The following MAD1L1 variants were observed in gnomAD, a reference collection of about 807,000 sequenced individuals.
The protein encoded by MAD1L1 is mitotic spindle assembly checkpoint protein MAD1.
Under a neutral mutation model 96.9 loss-of-function variants are expected in MAD1L1, and 95 were observed. That is an observed-to-expected ratio of 0.98 (90% confidence interval 0.83 to 1.16). MAD1L1 has a LOEUF of 1.16. MAD1L1 is among the 50% of genes most tolerant of loss of function. The probability of loss-of-function intolerance (pLI) is 0.00; values close to 1 mark genes in which losing one functional copy is unlikely to be tolerated. For synonymous variants in MAD1L1, 473 were observed against 396.6 expected (o/e 1.19, Z -2.29); for missense variants, 1,007 against 954.4 (o/e 1.06, Z -0.73).
chr7:1,816,790 G>T (rs1781830427), intron 18 of MAD1L1, among the ~76,000 whole-genome samples: 1 of 151,962 alleles, frequency 6.6e-6, no homozygotes, highest in Non-Finnish European at 1.5e-5. Flanking sequence ...CACAGGGCAG[G>T]AGTCACACAG....
intron 10 of MAD1L1, among the ~76,000 whole-genome samples, chr7:2,178,940 T>C (rs907154389): frequency 2.7e-5 from 4 of 147,028 alleles, no homozygotes; most frequent in Admixed American, 6.7e-5. Flanking sequence ...AAAGAAAAAA[T>C]TGATGAATTG....
At chr7:2,074,352 C>A (rs544493561) in intron 11 of MAD1L1, among the ~76,000 whole-genome samples, 1 of 152,080 alleles carries the variant, frequency 6.6e-6, no homozygotes, top group East Asian at 1.9e-4. Context: ...CAGGAAGCAG[C>A]TCCCAGCCCT....
chr7:1,920,841 T>G (rs1170802785), intron 17 of MAD1L1, among the ~76,000 whole-genome samples: 1 of 152,238 alleles, frequency 6.6e-6, no homozygotes, highest in African/African-American at 2.4e-5. Flanking sequence ...GAACACTGTG[T>G]ATCCATTTAA....
intron 10 of MAD1L1, among the ~76,000 whole-genome samples, chr7:2,150,174 C>T (rs1789501219): frequency 6.6e-6 from 1 of 152,174 alleles, no homozygotes; most frequent in Non-Finnish European, 1.5e-5. Flanking sequence ...CTACCTGCAC[C>T]CCTGGAAGGA....
At chr7:1,880,611 C>T (rs892418584) in intron 18 of MAD1L1, among the ~76,000 whole-genome samples, 14 of 152,234 alleles carry the variant, frequency 9.2e-5, no homozygotes, top group South Asian at 8.3e-4. Flanking sequence ...AACCTGCGTG[C>T]GTCCCATCTC....
At chr7:1,825,899 C>T (rs1338857076) in intron 18 of MAD1L1, among the ~76,000 whole-genome samples, 2 of 151,734 alleles carry the variant, frequency 1.3e-5, no homozygotes, top group African/African-American at 2.4e-5. Context: ...GTCCCAGCCC[C>T]AGGGTTGGCG....
intron 5 of MAD1L1, chr7:2,220,953 G>C: frequency 6.2e-7 from 1 of 1,612,414 alleles, no homozygotes; most frequent in Non-Finnish European, 8.5e-7. Flanking sequence ...TGTTGTAGGG[G>C]ACGCCGGACA....
intron 16 of MAD1L1, among the ~76,000 whole-genome samples, chr7:1,949,151 C>A (rs1779371511): frequency 6.6e-6 from 1 of 152,174 alleles, no homozygotes; most frequent in Admixed American, 6.5e-5. Context: ...GGGCACGGCC[C>A]CTAGAGCTGA....
intron 12 of MAD1L1, among the ~76,000 whole-genome samples, chr7:2,016,745 G>A (rs950002248): frequency 6.6e-6 from 1 of 152,246 alleles, no homozygotes; most frequent in African/African-American, 2.4e-5. Context: ...ATAATTAGCT[G>A]ATGACAAAAA....
chr7:1,929,070 C>T lies in MAD1L1; in HGVS notation c.1807+7617G>A, dbSNP rs150417656. Among the ~76,000 whole-genome samples the T allele has an allele frequency of 3.9e-5, 6 of 152,322 alleles. No homozygotes were observed. The East Asian group carries it at 1.2e-3, about 29-fold the overall frequency. On this transcript the variant is annotated intron_variant, in intron 17 of 18. Coordinates refer to ENST00000265854, the MANE Select transcript of MAD1L1 (RefSeq NM_001013836.2). The stretch of plus-strand genomic sequence containing the variant: ...GGCAGGGACACCAAACCAGGCCTCC[C>T]CTCGAGGGCACCCTCCTCCCTGAGG...
At position 2,029,957 on chromosome 7, in the gene MAD1L1, G is replaced by A. The variant is rs1232481577; in HGVS notation, c.1219-15315C>T. On this transcript the variant is annotated intron_variant, in intron 12 of 18. Transcript: ENST00000265854. ...GAACAGAAACAAGATCATCCCTAGC[G>A]CCCAGACACGAGTGCCAGGAGAAAG... Among the ~76,000 whole-genome samples the A allele has an allele frequency of 6.6e-5, 10 of 152,292 alleles. No homozygotes were observed. The South Asian group carries it at 1.2e-3, about 19-fold the overall frequency.
At chr7:1,944,460 C>A (rs1202487242) in intron 16 of MAD1L1, among the ~76,000 whole-genome samples, 1 of 152,180 alleles carries the variant, frequency 6.6e-6, no homozygotes, top group African/African-American at 2.4e-5. Context: ...GCCTGCGGGG[C>A]TGAAACCAGC....
At chr7:2,040,486 T>A (rs1783625922) in intron 12 of MAD1L1, among the ~76,000 whole-genome samples, 1 of 152,216 alleles carries the variant, frequency 6.6e-6, no homozygotes, top group African/African-American at 2.4e-5. Context: ...GATGGGCAGT[T>A]CCTATCGGTC....
At chr7:2,087,672 C>T (rs1785989912) in intron 11 of MAD1L1, among the ~76,000 whole-genome samples, 1 of 152,234 alleles carries the variant, frequency 6.6e-6, no homozygotes, top group Non-Finnish European at 1.5e-5. Context: ...CGGACCTCTC[C>T]TGCCTGTGCC....
At chr7:1,953,120 T>C (rs1779575326) in intron 16 of MAD1L1, among the ~76,000 whole-genome samples, 1 of 151,476 alleles carries the variant, frequency 6.6e-6, no homozygotes, top group Admixed American at 6.6e-5. Context: ...GGTGAGGAGG[T>C]CTGAGGAGAG....
chr7:1,923,048 TC>T (rs1173468160), intron 17 of MAD1L1, among the ~76,000 whole-genome samples: 1 of 152,216 alleles, frequency 6.6e-6, no homozygotes, highest in African/African-American at 2.4e-5. Context: ...TGGGAAGTGC[TC>T]CCTCTTCTGT....
At chr7:2,098,896 C>T (rs1786637192) in intron 11 of MAD1L1, among the ~76,000 whole-genome samples, 2 of 152,204 alleles carry the variant, frequency 1.3e-5, no homozygotes, top group Admixed American at 6.5e-5. Context: ...TCAGAAAAGA[C>T]GCTACTCGAA....
At chr7:2,216,558 GC>G (rs1793293416) in intron 7 of MAD1L1, among the ~76,000 whole-genome samples, 1 of 152,084 alleles carries the variant, frequency 6.6e-6, no homozygotes, top group Admixed American at 6.5e-5. Context: ...TTTTACATCT[GC>G]CCGAACCATA....
chr7:2,199,696 G>T (rs947236425), intron 10 of MAD1L1, among the ~76,000 whole-genome samples: 1 of 152,200 alleles, frequency 6.6e-6, no homozygotes, highest in Non-Finnish European at 1.5e-5. Flanking sequence ...CAGACACACC[G>T]GGCAGCCACT....
Sources: allele counts gnomAD v4.1 joint callset (sites outside exome capture counted in the v4.1 genomes callset), GRCh38; gene constraint gnomAD v4.1.1; transcripts MANE v1.5; gene names NCBI Gene and HGNC (gene_info 2026-07-23, HGNC 2026-07-21).